Variants in DLG2 observed in about 807,000 individuals in gnomAD.
DLG2 encodes disks large homolog 2.
Under a neutral mutation model 132.5 loss-of-function variants are expected in DLG2, and 45 were observed. The observed-to-expected ratio is 0.34, with a 90% CI of 0.27 to 0.44. The LOEUF (loss-of-function observed/expected upper bound fraction) is 0.44. Ranked by LOEUF, DLG2 falls within the 20% of genes least tolerant of loss-of-function variation. DLG2 has a pLI of 1.00. For missense variants in DLG2, 1,045 were observed against 1,196.9 expected (o/e 0.87, Z 1.87); for synonymous variants, 424 against 419.6 (o/e 1.01, Z -0.13).
chr11:84,161,158 C>T (rs759466413), intron 9 of DLG2, among the ~76,000 whole-genome samples: 1 of 151,834 alleles, frequency 6.6e-6, no homozygotes, highest in African/African-American at 2.4e-5. Flanking sequence ...GCTTAACCAG[C>T]GTAAGCTAAC....
intron 6 of DLG2, among the ~76,000 whole-genome samples, chr11:84,685,976 C>A (rs1042566948): frequency 5.9e-5 from 9 of 152,272 alleles, no homozygotes; most frequent in East Asian, 1.9e-4. Flanking sequence ...CGTGAGCCAC[C>A]GCGCCCGGCC....
rs1286439531 is a variant in DLG2 at position 84,692,507 on chromosome 11, T to C, written c.358-157776A>G. ...TCCCAGTTTATACCAGGTATATTCCTCTAGATTTTCATTTAGGTTGAAAAA... is the reference window on the plus strand; with the variant it reads ...TCCCAGTTTATACCAGGTATATTCCCCTAGATTTTCATTTAGGTTGAAAAA... On this transcript the variant is annotated intron_variant, in intron 6 of 27. Coordinates refer to ENST00000376104, the MANE Select transcript of DLG2 (RefSeq NM_001142699.3). Among the ~76,000 whole-genome samples, 8 of 151,910 alleles carry C rather than the reference T, an allele frequency of 5.3e-5. No homozygotes were observed. In the East Asian group the frequency reaches 1.6e-3, roughly 29 times the overall value.
chr11:85,580,318 A>G (rs957597961), intron 3 of DLG2, among the ~76,000 whole-genome samples: 6 of 152,206 alleles, frequency 3.9e-5, no homozygotes, highest in Admixed American at 1.3e-4. Context: ...GAATGCATTC[A>G]CTGCCAAATC....
intron 6 of DLG2, among the ~76,000 whole-genome samples, chr11:84,601,603 G>T (rs2099576648): frequency 6.6e-6 from 1 of 151,924 alleles, no homozygotes; most frequent in African/African-American, 2.4e-5. Context: ...CGGTAGAATT[G>T]AATCTTAATC....
At chr11:83,980,452 T>C in intron 12 of DLG2, 54 bp downstream of exon 12, 2 of 1,567,576 alleles carry the variant, frequency 1.3e-6, no homozygotes, top group Admixed American at 1.8e-5. Flanking sequence ...AGTCATACAC[T>C]GGAAAACAAG....
At chr11:84,164,418 A>C (rs1298404754) in intron 8 of DLG2, among the ~76,000 whole-genome samples, 1 of 152,202 alleles carries the variant, frequency 6.6e-6, no homozygotes, top group African/African-American at 2.4e-5. Context: ...ATCAGCCAGA[A>C]GGACTACATT....
Position 84,822,221 on chromosome 11 carries a change from ATTAG to A in DLG2, c.358-287494_358-287491del, listed in dbSNP as rs953297493. On this transcript the variant is annotated intron_variant, in intron 6 of 27. Coordinates refer to ENST00000376104, the MANE Select transcript of DLG2 (RefSeq NM_001142699.3). ...TGTGGCAAAGTGTTTTCAATTATTTATTAGTTAATTAAACTAATTAACTCCTCCT... is the reference window on the plus strand; with the variant it reads ...TGTGGCAAAGTGTTTTCAATTATTTATTAATTAAACTAATTAACTCCTCCT... Among the ~76,000 whole-genome samples the A allele has an allele frequency of 1.4e-3, 213 of 151,962 alleles. 1 individual carries two copies. Among genetic ancestry groups the A allele is most frequent in the Non-Finnish European group, 2.2e-4 (15 of 67,832 alleles).
At chr11:84,308,791 G>C (rs918049797) in intron 7 of DLG2, among the ~76,000 whole-genome samples, 1 of 152,162 alleles carries the variant, frequency 6.6e-6, no homozygotes, top group Admixed American at 6.5e-5. Flanking sequence ...TGCTAAGCCC[G>C]TCATTGCCCG....
intron 19 of DLG2, among the ~76,000 whole-genome samples, chr11:83,566,839 T>C (rs1373903237): frequency 1.3e-5 from 2 of 151,916 alleles, no homozygotes; most frequent in Non-Finnish European, 2.9e-5. Context: ...CAGTAGGTGT[T>C]TGCAATTTAT....
At chr11:85,192,305 TATC>T (rs2080653084) in intron 4 of DLG2, among the ~76,000 whole-genome samples, 2 of 152,254 alleles carry the variant, frequency 1.3e-5, no homozygotes, top group African/African-American at 4.8e-5. Context: ...CAGCTGGTGT[TATC>T]ATTATCATTA....
chr11:84,244,196 T>C (rs78028603), intron 8 of DLG2, among the ~76,000 whole-genome samples: 1 of 152,078 alleles, frequency 6.6e-6, no homozygotes, highest in Non-Finnish European at 1.5e-5. Flanking sequence ...CTTTTTTTTT[T>C]CCCTGAGGTG....
Position 85,384,785 on chromosome 11 carries a change from C to T in DLG2, c.41-99420G>A, listed in dbSNP as rs960875558. On this transcript the variant is annotated intron_variant, in intron 3 of 27. Transcript: ENST00000376104. ...GCTTCACCATGTTGGCCAGGCTGGT[C>T]TCAACCCAACCCCTGTCCTTGAGTG... is the stretch of plus-strand genomic sequence containing the variant. Among the ~76,000 whole-genome samples the T allele has an allele frequency of 5.3e-5, 8 of 152,102 alleles. No individual in the cohort carries two copies. The South Asian group carries it at 6.2e-4, about 12-fold the overall frequency.
intron 6 of DLG2, among the ~76,000 whole-genome samples, chr11:84,626,921 G>T (rs2099623787): frequency 7.3e-6 from 1 of 137,918 alleles, no homozygotes. Context: ...ACCCAGGCTG[G>T]AGTGCAGAGG....
intron 6 of DLG2, among the ~76,000 whole-genome samples, chr11:84,877,703 A>AGTTAATATT (rs1251832123): frequency 6.6e-6 from 1 of 151,970 alleles, no homozygotes; most frequent in African/African-American, 2.4e-5. Context: ...TTATATTTAA[A>AGTTAATATT]GTTAATATTG....
chr11:84,807,657 G>A (rs1008473053), intron 6 of DLG2, among the ~76,000 whole-genome samples: 3 of 151,980 alleles, frequency 2.0e-5, no homozygotes, highest in African/African-American at 7.3e-5. Flanking sequence ...GTGAAAAATA[G>A]GAAAGGTGTA....
intron 6 of DLG2, among the ~76,000 whole-genome samples, chr11:84,981,609 G>A (rs753912706): frequency 2.0e-5 from 3 of 151,942 alleles, no homozygotes; most frequent in African/African-American, 4.8e-5. Context: ...TCCTAAAGTC[G>A]AGAAATACTT....
At chr11:84,284,506 T>C (rs572851620) in intron 7 of DLG2, among the ~76,000 whole-genome samples, 1 of 152,352 alleles carries the variant, frequency 6.6e-6, no homozygotes, top group South Asian at 2.1e-4. Context: ...TGGAATCATA[T>C]GCCCAGTACT....
intron 15 of DLG2, among the ~76,000 whole-genome samples, chr11:83,895,673 C>G (rs1404504279): frequency 2.6e-5 from 4 of 152,136 alleles, no homozygotes; most frequent in Non-Finnish European, 5.9e-5. Context: ...TGTTCTTTAC[C>G]CAGCCTGCTG....
chr11:83,599,908 G>T (rs2058248807), intron 19 of DLG2, among the ~76,000 whole-genome samples: 1 of 152,214 alleles, frequency 6.6e-6, no homozygotes, highest in African/African-American at 2.4e-5. Flanking sequence ...TTAAGTTCAT[G>T]AGCTTGGAAA....
Sources: allele counts gnomAD v4.1 joint callset (sites outside exome capture counted in the v4.1 genomes callset), GRCh38; gene constraint gnomAD v4.1.1; transcripts MANE v1.5; gene names NCBI Gene and HGNC (gene_info 2026-07-23, HGNC 2026-07-21).